Variants in GABPA observed in about 807,000 individuals in gnomAD.
GABPA encodes GA binding protein transcription factor subunit alpha.
GABPA carries 4 observed loss-of-function variants against 59.4 expected under a neutral mutation model. That is an observed-to-expected ratio of 0.07 (90% CI 0.03 to 0.15). The LOEUF (loss-of-function observed/expected upper bound fraction) is 0.15. Ranked by LOEUF, GABPA falls within the 10% of genes least tolerant of loss-of-function variation. The pLI is 1.00. For missense variants in GABPA, 251 were observed against 543.8 expected (o/e 0.46, Z 5.36); for synonymous variants, 164 against 183.1 (o/e 0.90, Z 0.84).
chr21:25,762,449 T>A (rs998715557), intron 7 of GABPA, 84 bp downstream of exon 7: 11 of 1,035,590 alleles, frequency 1.1e-5, no homozygotes, highest in East Asian at 5.2e-5. Flanking sequence ...GAAAATTATT[T>A]AAAAAAATTT....
intron 9 of GABPA, 133 bp downstream of exon 9, chr21:25,764,920 T>A: frequency 1.7e-6 from 1 of 584,768 alleles, no homozygotes; most frequent in Non-Finnish European, 2.7e-6. Context: ...CTTTACATAT[T>A]AAAAAACCTT....
chr21:25,738,807 C>T (rs192112022), intron 1 of GABPA, among the ~76,000 whole-genome samples: 40 of 152,204 alleles, frequency 2.6e-4, no homozygotes, highest in African/African-American at 9.2e-4. Context: ...GATCCCTACT[C>T]GGTTTCCACC....
At chr21:25,749,416 C>A (rs1212130637) in intron 4 of GABPA, among the ~76,000 whole-genome samples, 3 of 152,174 alleles carry the variant, frequency 2.0e-5, no homozygotes, top group Non-Finnish European at 4.4e-5. Flanking sequence ...AGCCACACTG[C>A]AGAACTGGAC....
chr21:25,746,225 G>T (rs2035360423), intron 3 of GABPA, among the ~76,000 whole-genome samples: 1 of 152,074 alleles, frequency 6.6e-6, no homozygotes, highest in Non-Finnish European at 1.5e-5. Context: ...GTGTTGGCCA[G>T]GCTGCTCTTG....
In GABPA at chr21:25,755,594, C is replaced by T. The variant is rs565802128; in HGVS notation, c.554-2416C>T. 8.8e-4 allele frequency among the ~76,000 whole-genome samples: 134 copies of T among 152,040 alleles called. 1 individual carries two copies. Among genetic ancestry groups the T allele is most frequent in the African/African-American group, 3.1e-3 (130 of 41,488 alleles). On this transcript the variant is annotated intron_variant, in intron 5 of 9. Transcript: ENST00000400075. The stretch of plus-strand genomic sequence containing the variant: ...TGTGGAACTGGAAAAGGAAGTAGAG[C>T]AGGGAGGAGGTAGAGAAGGTGGAGA...
intron 5 of GABPA, among the ~76,000 whole-genome samples, chr21:25,752,668 G>C (rs1225261499): frequency 6.6e-6 from 1 of 152,142 alleles, no homozygotes; most frequent in African/African-American, 2.4e-5. Flanking sequence ...GACAGGAAAT[G>C]TTATGTGCAA....
intron 4 of GABPA, among the ~76,000 whole-genome samples, chr21:25,750,569 A>G (rs1469886808): frequency 1.3e-5 from 2 of 152,220 alleles, no homozygotes; most frequent in Non-Finnish European, 2.9e-5. Flanking sequence ...AGAAAAGAAA[A>G]TTAGGAAACT....
Position 25,769,661 on chromosome 21 carries a change from C to T in GABPA, c.*429C>T, listed in dbSNP as rs970363513. ...GCTTTAGATGTTGCTTTACATAGAA[C>T]CAGAAAATGGAATTTCTCAGCTAAA... is the stretch of plus-strand genomic sequence containing the variant. On this transcript the variant is annotated 3_prime_UTR_variant, in exon 10 of 10. Transcript: ENST00000400075. 8 of 154,704 alleles carry T rather than the reference C, an allele frequency of 5.2e-5. No homozygotes were observed. Among genetic ancestry groups the T allele is most frequent in the African/African-American group, 1.7e-4 (7 of 41,424 alleles). 9.6% of individuals were successfully genotyped at this position (154,704 alleles called of 1,614,324 possible).
At chr21:25,753,608 A>G (rs2035565363) in intron 5 of GABPA, among the ~76,000 whole-genome samples, 1 of 152,236 alleles carries the variant, frequency 6.6e-6, no homozygotes, top group Non-Finnish European at 1.5e-5. Context: ...ACTGATATCT[A>G]TTAAATTTGA....
At chr21:25,768,869 A>G in intron 9 of GABPA, 135 bp from the exon 10 acceptor site, 1 of 612,566 alleles carries the variant, frequency 1.6e-6, no homozygotes, top group Admixed American at 2.9e-5. Flanking sequence ...TAAATATTCT[A>G]CATAGCTTCA....
Position 25,764,680 on chromosome 21 carries a change from T to C in GABPA, c.1029T>C (p.Gly343=). Residue 343 remains glycine (G), a synonymous_variant, in exon 9 of 10, where the codon GGT becomes GGC. Transcript: ENST00000400075. Reference sequence around the variant, plus strand: ...CTCGAGACTGCATTTCTTGGGTTGGTGATGAAGGTGAATTTAAGCTAAATC... The same window carrying C: ...CTCGAGACTGCATTTCTTGGGTTGGCGATGAAGGTGAATTTAAGCTAAATC... ...KDARDCISWV[G]DEGEFKLNQP... 1 of 1,612,672 alleles carries C rather than the reference T, an allele frequency of 6.2e-7. No individual in the cohort carries two copies. Among genetic ancestry groups the C allele is most frequent in the Non-Finnish European group, 8.5e-7 (1 of 1,179,068 alleles).
chr21:25,751,268 T>C (rs2035503790), intron 4 of GABPA, among the ~76,000 whole-genome samples: 1 of 42,066 alleles, frequency 2.4e-5, no homozygotes, highest in Non-Finnish European at 5.3e-5. Flanking sequence ...AATTATAATT[T>C]AATAGTTTAA....
At chr21:25,768,303 T>G (rs1409841340) in intron 9 of GABPA, among the ~76,000 whole-genome samples, 1 of 151,972 alleles carries the variant, frequency 6.6e-6, no homozygotes, top group African/African-American at 2.4e-5. Context: ...TCCTTAGACT[T>G]AAAGCTCCCT....
chr21:25,747,968 T>C (rs1474739648), intron 3 of GABPA, among the ~76,000 whole-genome samples: 1 of 152,140 alleles, frequency 6.6e-6, no homozygotes, highest in Admixed American at 6.5e-5. Flanking sequence ...CCAGACTGAG[T>C]GCAGTGGCGC....
chr21:25,761,161 CT>C (rs2035756930), intron 6 of GABPA, among the ~76,000 whole-genome samples: 1 of 152,096 alleles, frequency 6.6e-6, no homozygotes, highest in African/African-American at 2.4e-5. Flanking sequence ...AACTAGGAGT[CT>C]GGATAAAACA....
In GABPA at chr21:25,772,295, G is replaced by A. The variant is rs1208657330; in HGVS notation, c.*3063G>A. 2.0e-5 allele frequency: 3 copies of A among 151,950 alleles called. No homozygotes were observed. Among genetic ancestry groups the A allele is most frequent in the Admixed American group, 6.6e-5 (1 of 15,258 alleles). The allele number at this position is 151,950 out of a possible 1,614,324, so 9.4% of individuals were successfully genotyped here. A position where few individuals can be genotyped will look rare whatever the true frequency, so the allele number is the denominator to read the frequency against. ...CATACATTTTTACTCTTTAAATAACGACAACGACACTTATACTGTCATAAT... is the reference window on the plus strand; with the variant it reads ...CATACATTTTTACTCTTTAAATAACAACAACGACACTTATACTGTCATAAT... On this transcript the variant is annotated 3_prime_UTR_variant, in exon 10 of 10. Coordinates refer to ENST00000400075, the MANE Select transcript of GABPA (RefSeq NM_002040.4).
At chr21:25,747,654 T>C (rs1034778214) in intron 3 of GABPA, among the ~76,000 whole-genome samples, 1 of 152,246 alleles carries the variant, frequency 6.6e-6, no homozygotes, top group African/African-American at 2.4e-5. Context: ...TGCACTTTTT[T>C]GAAGAGTGTT....
At chr21:25,745,146 T>C (rs2035329524) in intron 2 of GABPA, 64 bp from the exon 3 acceptor site, 1 of 1,556,066 alleles carries the variant, frequency 6.4e-7, no homozygotes, top group Admixed American at 1.8e-5. Context: ...GTTTTTAGCA[T>C]ATTGTTGCTT....
chr21:25,764,802 C>A lies in GABPA; in HGVS notation c.1136+15C>A. ...CGTGCATTAAGGTAAGCCTTTATTA[C>A]TTTTTTTTCTGTTATCAAAAATAGA... On this transcript the variant is annotated intron_variant, in intron 9 of 9. Coordinates refer to ENST00000400075, the MANE Select transcript of GABPA (RefSeq NM_002040.4). 6.6e-7 allele frequency: 1 copy of A among 1,504,226 alleles called. No homozygotes were observed. The highest frequency in any genetic ancestry group is 8.9e-7 in the Non-Finnish European group (1 of 1,129,588). The allele number at this position is 1,504,226 out of a possible 1,614,324, so 93.2% of individuals were successfully genotyped here. A position where few individuals can be genotyped will look rare whatever the true frequency, so the allele number is the denominator to read the frequency against.
Sources: gnomAD v4.1 joint callset for allele counts (sites outside exome capture counted in the v4.1 genomes callset) on GRCh38, gnomAD v4.1.1 for gene constraint, MANE v1.5 for transcripts, NCBI Gene and HGNC (gene_info 2026-07-23, HGNC 2026-07-21) for gene names.